ARMC2: variants seen among roughly 807,000 people sequenced by gnomAD.
ARMC2 encodes armadillo repeat-containing protein 2.
ARMC2 carries 67 observed loss-of-function variants against 90.3 expected under a neutral mutation model. The observed-to-expected ratio is 0.74, with a 90% CI of 0.61 to 0.91. The LOEUF is 0.91. Among genes scored for constraint, ARMC2 ranks in the 40% least tolerant of loss-of-function variants. The pLI is 0.00. For missense variants in ARMC2, 920 were observed against 1,030.9 expected (o/e 0.89, Z 1.47); for synonymous variants, 393 against 393.0 (o/e 1.00, Z 0.00).
chr6:108,888,514 A>G (rs954081193), intron 5 of ARMC2, among the ~76,000 whole-genome samples: 1 of 152,180 alleles, frequency 6.6e-6, no homozygotes, highest in Non-Finnish European at 1.5e-5. Context: ...AAGAATAAAG[A>G]TTTGTTTCAT....
intron 12 of ARMC2, among the ~76,000 whole-genome samples, chr6:108,952,076 C>G (rs1040717326): frequency 6.6e-6 from 1 of 152,174 alleles, no homozygotes; most frequent in Non-Finnish European, 1.5e-5. Context: ...GGCATAGTGC[C>G]TGGCACTGTA....
intron 8 of ARMC2, among the ~76,000 whole-genome samples, chr6:108,908,143 G>A (rs986330603): frequency 6.6e-6 from 1 of 152,002 alleles, no homozygotes; most frequent in Admixed American, 6.6e-5. Flanking sequence ...AGTGCTGGGG[G>A]GGGCCTGAGA....
At chr6:109,046,113 C>A in the ARMC2 span, among the ~76,000 whole-genome samples, 1 of 152,104 alleles carries the variant, frequency 6.6e-6, no homozygotes. Flanking sequence ...CTCTCCCTCT[C>A]CCTCTCCCCA....
At chr6:109,007,785 CTTTTTTTTTTT>C in the ARMC2 span, among the ~76,000 whole-genome samples, 1 of 103,352 alleles carries the variant, frequency 9.7e-6, no homozygotes, top group Non-Finnish European at 2.1e-5. Flanking sequence ...AGTCCAGGTA[CTTTTTTTTTTT>C]TTTTTTTTTG....
chr6:108,979,262 G>A (rs990586449), downstream of ARMC2, among the ~76,000 whole-genome samples: 16 of 152,140 alleles, frequency 1.1e-4, no homozygotes, highest in Admixed American at 7.9e-4. Flanking sequence ...AGCTCAGTGT[G>A]GCTGGATATG....
At chr6:108,917,788 C>T (rs879605036) in intron 10 of ARMC2, among the ~76,000 whole-genome samples, 3 of 152,146 alleles carry the variant, frequency 2.0e-5, no homozygotes, top group Admixed American at 1.3e-4. Context: ...GCTGGGATTA[C>T]AGGTGTGTGC....
In ARMC2 at chr6:108,974,006, A is replaced by G. The variant is rs995266123; in HGVS notation, c.*492A>G. ...GTACCAGTATTTTTTTGGTCTTTAT[A>G]TTAAGAGAAGGAGTAAGCAGAAAAA... On this transcript the variant is annotated 3_prime_UTR_variant, in exon 18 of 18. Coordinates refer to ENST00000392644, the MANE Select transcript of ARMC2 (RefSeq NM_032131.6). 6.6e-6 allele frequency: 1 copy of G among 152,268 alleles called. No individual in the cohort carries two copies. The highest frequency in any genetic ancestry group is 2.4e-5 in the African/African-American group (1 of 41,464). The allele number at this position is 152,268 out of a possible 1,614,324, so 9.4% of individuals were successfully genotyped here. A position where few individuals can be genotyped will look rare whatever the true frequency, so the allele number is the denominator to read the frequency against.
chr6:108,966,202 A>G (rs1047354345), intron 17 of ARMC2, among the ~76,000 whole-genome samples: 14 of 150,488 alleles, frequency 9.3e-5, no homozygotes, highest in Non-Finnish European at 1.8e-4. Flanking sequence ...CTTCTCTGCA[A>G]CCTGAGAAAG....
At chr6:109,036,978 CAGTT>C in the ARMC2 span, among the ~76,000 whole-genome samples, 1 of 152,232 alleles carries the variant, frequency 6.6e-6, no homozygotes, top group Non-Finnish European at 1.5e-5. Context: ...TTCAGCACCT[CAGTT>C]AGGAAACTTA....
chr6:108,932,941 T>C (rs557934927), intron 11 of ARMC2, among the ~76,000 whole-genome samples: 9 of 152,300 alleles, frequency 5.9e-5, no homozygotes, highest in South Asian at 4.1e-4. Context: ...TTTGTACCAG[T>C]ACCATGCTGT....
intron 8 of ARMC2, among the ~76,000 whole-genome samples, chr6:108,908,232 A>T (rs1312786574): frequency 6.6e-6 from 1 of 152,188 alleles, no homozygotes; most frequent in East Asian, 1.9e-4. Context: ...CTCAAGTGCA[A>T]AGTGTGAACG....
intron 4 of ARMC2, among the ~76,000 whole-genome samples, chr6:108,871,202 A>T (rs1457585542): frequency 1.3e-5 from 2 of 152,096 alleles, no homozygotes; most frequent in Non-Finnish European, 2.9e-5. Context: ...AGTTGGAGAG[A>T]GCTGAGGCCA....
At chr6:108,951,595 T>C (rs975087148) in intron 12 of ARMC2, among the ~76,000 whole-genome samples, 5 of 152,214 alleles carry the variant, frequency 3.3e-5, no homozygotes, top group African/African-American at 1.2e-4. Flanking sequence ...TTTTGGATTT[T>C]TTAGCAAGAA....
At chr6:108,854,746 C>G (rs982525486) in intron 2 of ARMC2, among the ~76,000 whole-genome samples, 1 of 152,182 alleles carries the variant, frequency 6.6e-6, no homozygotes, top group African/African-American at 2.4e-5. Flanking sequence ...ACACCATTAT[C>G]ACTCAAAGGC....
the ARMC2 span, chr6:109,002,411 G>C: frequency 7.6e-7 from 1 of 1,307,556 alleles, no homozygotes; most frequent in Non-Finnish European, 1.1e-6. Flanking sequence ...CTAAAGGAAT[G>C]GGAGGGAAAA....
chr6:108,972,930 T>C (rs1228012485), intron 17 of ARMC2, among the ~76,000 whole-genome samples: 3 of 152,044 alleles, frequency 2.0e-5, no homozygotes, highest in Admixed American at 6.5e-5. Context: ...AGGCTCCCAA[T>C]GTGTTGGCAT....
the ARMC2 span, among the ~76,000 whole-genome samples, chr6:109,010,960 CACTTG>C: frequency 6.6e-6 from 1 of 152,180 alleles, no homozygotes; most frequent in Non-Finnish European, 1.5e-5. Flanking sequence ...CACATAAATG[CACTTG>C]ATGTATGGGA....
chr6:108,882,387 C>T (rs1176657832), intron 5 of ARMC2, among the ~76,000 whole-genome samples: 5 of 150,252 alleles, frequency 3.3e-5, no homozygotes, highest in African/African-American at 9.8e-5. Context: ...TTCAGTGAGC[C>T]GAGATCATGC....
At chr6:108,889,450 A>G (rs1770716607) in intron 5 of ARMC2, among the ~76,000 whole-genome samples, 1 of 150,968 alleles carries the variant, frequency 6.6e-6, no homozygotes, top group African/African-American at 2.4e-5. Context: ...CCTGCCTGTT[A>G]TTATTTTTGA....
Sources: gnomAD v4.1 joint callset for allele counts (sites outside exome capture counted in the v4.1 genomes callset) on GRCh38, gnomAD v4.1.1 for gene constraint, MANE v1.5 for transcripts, NCBI Gene and HGNC (gene_info 2026-07-23, HGNC 2026-07-21) for gene names.